The following ATP5MF variants were observed in gnomAD, a reference collection of about 807,000 sequenced individuals.
ATP5MF encodes the protein ATP synthase membrane subunit f.
Under a neutral mutation model 13.8 loss-of-function variants are expected in ATP5MF, and 10 were observed. That is an observed-to-expected ratio of 0.72 (90% CI 0.45 to 1.23). The LOEUF is 1.23. ATP5MF is among the 50% of genes most tolerant of loss of function. The pLI is 0.00. For missense variants in ATP5MF, 122 were observed against 118.2 expected, an observed-to-expected ratio of 1.03 and a Z score of -0.15; for synonymous variants, 40 against 45.8, an observed-to-expected ratio of 0.87 and a Z score of 0.51.
rs780979783 is a variant in ATP5MF, at chr7:99,458,282, C to T, written c.*45G>A. 1.3e-6 allele frequency: 2 copies of T among 1,595,794 alleles called. No homozygotes were observed. The highest frequency in any genetic ancestry group is 1.7e-6 in the Non-Finnish European group (2 of 1,170,206). ...TGAGATTGTGTTCCTCACGGAGGGG[C>T]TCGGGCCAAGGTCGTGGGGTGGGGG... On this transcript the variant is annotated 3_prime_UTR_variant, in exon 4 of 4. Coordinates refer to ENST00000292475, the MANE Select transcript of ATP5MF (RefSeq NM_004889.5).
At chr7:99,466,015 A>G (rs1798857675) in intron 1 of ATP5MF, 96 bp downstream of exon 1, 1 of 1,589,334 alleles carries the variant, frequency 6.3e-7, no homozygotes, top group Admixed American at 1.7e-5. Flanking sequence ...TGCCTGAGCA[A>G]AGGGCAGGCA....
intron 2 of ATP5MF, chr7:99,459,558 C>T: frequency 2.9e-6 from 1 of 341,192 alleles, no homozygotes; most frequent in Non-Finnish European, 5.5e-6. Flanking sequence ...TACAGGCATG[C>T]ACCACCACAG....
chr7:99,460,348 A>C, intron 1 of ATP5MF, 155 bp from the exon 2 acceptor site: 1 of 843,048 alleles, frequency 1.2e-6, no homozygotes, highest in African/African-American at 1.7e-5. Flanking sequence ...AATATGTCAC[A>C]TCAAGCCCAC....
At chr7:99,458,563 C>T (rs542576119) in intron 3 of ATP5MF, among the ~76,000 whole-genome samples, 49 of 152,296 alleles carry the variant, frequency 3.2e-4, no homozygotes, top group African/African-American at 1.1e-3. Context: ...TGGCCAACCA[C>T]TTTCTTTCCA....
chr7:99,466,136 C>T lies in ATP5MF; in HGVS notation c.6G>A (p.Ala2=), dbSNP rs1562874686. 3 of 1,614,202 alleles carry T rather than the reference C, an allele frequency of 1.9e-6. No homozygotes were observed. Among genetic ancestry groups the T allele is most frequent in the Non-Finnish European group, 2.5e-6 (3 of 1,180,032 alleles). ...CTGGGGCCGGACACTCACCAACTGA[C>T]GCCATTTTGGAGTCCTGGTGTCCGC... The part of the protein sequence containing the change: M[A]SVGECPAPVP... Residue 2 remains alanine, a synonymous_variant, in exon 1 of 4, where the codon GCG becomes GCA. Coordinates refer to ENST00000292475, the MANE Select transcript of ATP5MF (RefSeq NM_004889.5).
intron 1 of ATP5MF, among the ~76,000 whole-genome samples, chr7:99,461,802 C>G (rs1373504207): frequency 1.3e-5 from 2 of 151,844 alleles, no homozygotes; most frequent in African/African-American, 4.8e-5. Context: ...GGACTACAGG[C>G]ATGCGCCACG....
intron 1 of ATP5MF, among the ~76,000 whole-genome samples, chr7:99,462,390 C>T (rs1483909263): frequency 6.7e-6 from 1 of 150,332 alleles, no homozygotes; most frequent in Non-Finnish European, 1.5e-5. Context: ...ATGGCGTGAA[C>T]CTGGGAGGCG....
intron 2 of ATP5MF, 129 bp downstream of exon 2, chr7:99,459,957 T>TGCTTTCA: frequency 9.3e-7 from 1 of 1,073,868 alleles, no homozygotes; most frequent in Non-Finnish European, 1.3e-6. Flanking sequence ...CATCCCTCCC[T>TGCTTTCA]GTCATCCTCT....
At chr7:99,460,809 G>T (rs1273143286) in intron 1 of ATP5MF, among the ~76,000 whole-genome samples, 1 of 152,158 alleles carries the variant, frequency 6.6e-6, no homozygotes, top group Non-Finnish European at 1.5e-5. Context: ...CTGGGGAAGG[G>T]CTTCAAACAG....
At position 99,458,227 on chromosome 7, in the gene ATP5MF, TATTAGGATATG is replaced by T; in HGVS notation, c.*89_*99del. 8.0e-7 allele frequency: 1 copy of T among 1,252,890 alleles called. No individual in the cohort carries two copies. 77.6% of individuals were successfully genotyped at this position (1,252,890 alleles called of 1,614,324 possible). A position where few individuals can be genotyped will look rare whatever the true frequency, so the allele number is the denominator to read the frequency against. On this transcript the variant is annotated 3_prime_UTR_variant, in exon 4 of 4. Transcript: ENST00000292475. ...CATGTTTTATTTGGAGGTTAATTCC[TATTAGGATATG>T]AAAGGATTCAGCAACGATTGAGATT... is the stretch of plus-strand genomic sequence containing the variant.
At chr7:99,461,586 A>G (rs1162539152) in intron 1 of ATP5MF, among the ~76,000 whole-genome samples, 2 of 151,996 alleles carry the variant, frequency 1.3e-5, no homozygotes, top group East Asian at 3.9e-4. Flanking sequence ...AGTTCACACT[A>G]TAATCCCAGC....
intron 2 of ATP5MF, chr7:99,459,865 C>T (rs1798520330): frequency 1.9e-6 from 1 of 538,912 alleles, no homozygotes; most frequent in East Asian, 3.2e-5. Flanking sequence ...TGATTCCAAG[C>T]AACAGGAAAC....
intron 3 of ATP5MF, among the ~76,000 whole-genome samples, 177 bp from the exon 4 acceptor site, chr7:99,458,532 C>T (rs1299366621): frequency 1.3e-5 from 2 of 152,174 alleles, no homozygotes; most frequent in Non-Finnish European, 2.9e-5. Flanking sequence ...ACAAAGACAC[C>T]TCAGGAGCCA....
intron 1 of ATP5MF, among the ~76,000 whole-genome samples, chr7:99,464,172 T>C (rs1439397809): frequency 6.6e-6 from 1 of 152,238 alleles, no homozygotes; most frequent in Non-Finnish European, 1.5e-5. Flanking sequence ...GCTAAATCGA[T>C]TGATCCTTAG....
At chr7:99,462,096 A>T (rs780798055) in intron 1 of ATP5MF, among the ~76,000 whole-genome samples, 12 of 152,024 alleles carry the variant, frequency 7.9e-5, no homozygotes, top group Non-Finnish European at 1.5e-4. Context: ...GCAACAATTT[A>T]CAACTTGTTT....
chr7:99,458,736 GCCAATCTCCCA>G (rs1798454622), intron 3 of ATP5MF, among the ~76,000 whole-genome samples: 4 of 152,106 alleles, frequency 2.6e-5, no homozygotes, highest in Admixed American at 2.0e-4. Context: ...GACACCTCCC[GCCAATCTCCCA>G]CCAGACAAGC....
chr7:99,463,869 C>T (rs1201869223), intron 1 of ATP5MF, among the ~76,000 whole-genome samples: 1 of 152,236 alleles, frequency 6.6e-6, no homozygotes, highest in East Asian at 1.9e-4. Context: ...CGAAATCCAA[C>T]TCACTGGCCA....
intron 1 of ATP5MF, among the ~76,000 whole-genome samples, chr7:99,464,094 G>A (rs995921929): frequency 4.6e-5 from 7 of 152,164 alleles, no homozygotes; most frequent in African/African-American, 1.7e-4. Flanking sequence ...AGTAAAGGCT[G>A]GGATGACCAG....
In ATP5MF at chr7:99,459,942, C is replaced by T. The variant is rs991772023; in HGVS notation, c.139+144G>A. The T allele has an allele frequency of 1.7e-5, 16 of 916,086 alleles. 1 individual carries two copies. The South Asian group carries it at 2.7e-4, about 15-fold the overall frequency. 56.7% of individuals were successfully genotyped at this position (916,086 alleles called of 1,614,324 possible). A position where few individuals can be genotyped will look rare whatever the true frequency, so the allele number is the denominator to read the frequency against. Reference sequence around the variant, plus strand: ...GCCAATCAACCACAGAAGTCCAAGGCCTAGCATCCCTCCCTGTCATCCTCT... The same window carrying T: ...GCCAATCAACCACAGAAGTCCAAGGTCTAGCATCCCTCCCTGTCATCCTCT... On this transcript the variant is annotated intron_variant, in intron 2 of 3. Transcript: ENST00000292475.
Sources: gnomAD v4.1 joint callset for allele counts (sites outside exome capture counted in the v4.1 genomes callset) on GRCh38, gnomAD v4.1.1 for gene constraint, MANE v1.5 for transcripts, NCBI Gene and HGNC (gene_info 2026-07-23, HGNC 2026-07-21) for gene names.